Variants in TMEM207 observed in about 807,000 individuals in gnomAD.
The protein encoded by TMEM207 is SRSR846.
In TMEM207, 15 loss-of-function variants were observed where a neutral mutation model predicts 17.4. The observed-to-expected ratio is 0.86, with a 90% CI of 0.58 to 1.33. The LOEUF is 1.33. Among genes scored for constraint, TMEM207 ranks in the 40% most tolerant of loss-of-function variants. TMEM207 has a pLI of 0.00. For missense variants in TMEM207, 205 were observed against 173.8 expected, an observed-to-expected ratio of 1.18 and a Z score of -1.01; for synonymous variants, 70 against 65.6, an observed-to-expected ratio of 1.07 and a Z score of -0.33.
At position 190,441,465 on chromosome 3, in the gene TMEM207, T is replaced by C; in HGVS notation, c.131A>G (p.Asp44Gly). ...GATATACCAGCCATTAGGGTGTTGG[T>C]CATTATAATTTACACACCTGGTGAT... Reference protein sequence around the residue: ...EEDEMCVNYNDQHPNGWYIWI... With the variant: ...EEDEMCVNYNGQHPNGWYIWI... Residue 44 changes from aspartate (D) to glycine (G), a missense_variant, in exon 3 of 5, where the codon GAC becomes GGC. Transcript: ENST00000354905. The C allele has an allele frequency of 6.2e-7, 1 of 1,611,798 alleles. No individual in the cohort carries two copies. The highest frequency in any genetic ancestry group is 8.5e-7 in the Non-Finnish European group (1 of 1,178,796).
intron 2 of TMEM207, among the ~76,000 whole-genome samples, chr3:190,446,811 G>T (rs371475591): frequency 1.3e-5 from 2 of 152,148 alleles, no homozygotes; most frequent in Non-Finnish European, 2.9e-5. Context: ...GTTAGTCTGG[G>T]TCAAAGGCAG....
chr3:190,433,152 C>A lies in TMEM207; in HGVS notation c.305-3421G>T, dbSNP rs114026659. ...CTCTCAAATTCTCTCTTTTCTAATG[C>A]CTAGTCAATTGTTTTTCTGCCTCAA... On this transcript the variant is annotated intron_variant, in intron 4 of 4. Coordinates refer to ENST00000354905, the MANE Select transcript of TMEM207 (RefSeq NM_207316.3). 2.6e-3 allele frequency among the ~76,000 whole-genome samples: 397 copies of A among 152,248 alleles called. 1 individual carries two copies. The highest frequency in any genetic ancestry group is 4.2e-3 in the Admixed American group (64 of 15,298).
chr3:190,449,860 C>T lies in TMEM207; in HGVS notation c.-51G>A. 1 of 1,534,990 alleles carries T rather than the reference C, an allele frequency of 6.5e-7. No homozygotes were observed. The highest frequency in any genetic ancestry group is 9.0e-7 in the Non-Finnish European group (1 of 1,109,324). On this transcript the variant is annotated 5_prime_UTR_variant, in exon 1 of 5. Transcript: ENST00000354905. The stretch of plus-strand genomic sequence containing the variant: ...AGTGGTTTGGTGCCTGTGTTTATTT[C>T]CTTCTTTCTCAGAACTTACTAGCTT...
At chr3:190,435,628 A>G (rs1167156164) in intron 4 of TMEM207, among the ~76,000 whole-genome samples, 1 of 152,222 alleles carries the variant, frequency 6.6e-6, no homozygotes, top group Non-Finnish European at 1.5e-5. Context: ...TCTCTTCTAC[A>G]GAATCCAAAG....
At chr3:190,446,296 T>A (rs1328949919) in intron 2 of TMEM207, among the ~76,000 whole-genome samples, 1 of 152,140 alleles carries the variant, frequency 6.6e-6, no homozygotes, top group Non-Finnish European at 1.5e-5. Flanking sequence ...AGAAAGAGGA[T>A]TTTTCTTGGA....
intron 2 of TMEM207, among the ~76,000 whole-genome samples, chr3:190,443,437 GT>G (rs1481554649): frequency 6.6e-6 from 1 of 151,892 alleles, no homozygotes; most frequent in Non-Finnish European, 1.5e-5. Flanking sequence ...CTCTGGTGGA[GT>G]TTCTGATAAG....
chr3:190,442,640 G>T (rs146019474), intron 2 of TMEM207, among the ~76,000 whole-genome samples: 1 of 151,604 alleles, frequency 6.6e-6, no homozygotes, highest in Non-Finnish European at 1.5e-5. Flanking sequence ...TCTTTTGAGC[G>T]CCCAGAGTGT....
intron 4 of TMEM207, among the ~76,000 whole-genome samples, chr3:190,431,589 A>G (rs1480372033): frequency 6.6e-6 from 1 of 152,098 alleles, no homozygotes; most frequent in Non-Finnish European, 1.5e-5. Context: ...TAAAATTGGT[A>G]AAATACAGTT....
chr3:190,435,860 C>T (rs1719793855), intron 4 of TMEM207, among the ~76,000 whole-genome samples: 1 of 152,246 alleles, frequency 6.6e-6, no homozygotes, highest in Non-Finnish European at 1.5e-5. Flanking sequence ...GCTGTGCTGG[C>T]AACACCCTCC....
At chr3:190,438,512 A>G (rs1265436834) in intron 4 of TMEM207, among the ~76,000 whole-genome samples, 1 of 152,202 alleles carries the variant, frequency 6.6e-6, no homozygotes, top group Non-Finnish European at 1.5e-5. Flanking sequence ...GGGTATAACC[A>G]TGGCACATAA....
At chr3:190,443,076 T>TA (rs1260620639) in intron 2 of TMEM207, among the ~76,000 whole-genome samples, 4 of 151,784 alleles carry the variant, frequency 2.6e-5, no homozygotes, top group Admixed American at 2.6e-4. Context: ...ATTAAAACCT[T>TA]AAAAATATAC....
At chr3:190,430,641 T>C (rs1031242947) in intron 4 of TMEM207, among the ~76,000 whole-genome samples, 3 of 152,210 alleles carry the variant, frequency 2.0e-5, no homozygotes, top group East Asian at 1.9e-4. Context: ...CAAAAATTCA[T>C]CTTTAAAAAG....
intron 4 of TMEM207, among the ~76,000 whole-genome samples, chr3:190,438,152 C>A (rs992353528): frequency 6.6e-6 from 1 of 151,004 alleles, no homozygotes. Flanking sequence ...TGCAAAATGG[C>A]GAGTTAATGG....
intron 2 of TMEM207, among the ~76,000 whole-genome samples, chr3:190,443,208 A>G (rs1174188040): frequency 2.0e-5 from 3 of 147,504 alleles, no homozygotes; most frequent in Non-Finnish European, 4.5e-5. Flanking sequence ...ATCTAAGCTC[A>G]TGGTCAGGAG....
intron 4 of TMEM207, among the ~76,000 whole-genome samples, chr3:190,432,311 A>G (rs1719708050): frequency 6.6e-6 from 1 of 152,140 alleles, no homozygotes; most frequent in African/African-American, 2.4e-5. Context: ...AGTGGCCAGA[A>G]GGACTGAATT....
chr3:190,440,867 G>A (rs925030149), intron 3 of TMEM207, among the ~76,000 whole-genome samples: 2 of 152,168 alleles, frequency 1.3e-5, no homozygotes, highest in African/African-American at 4.8e-5. Context: ...AGGAGATCGA[G>A]AACATCCTGG....
chr3:190,443,797 A>G (rs1719987186), intron 2 of TMEM207, among the ~76,000 whole-genome samples: 1 of 152,232 alleles, frequency 6.6e-6, no homozygotes, highest in Non-Finnish European at 1.5e-5. Flanking sequence ...TATTTTTGAA[A>G]ATGAAATTAT....
chr3:190,445,889 G>A (rs1720034917), intron 2 of TMEM207, among the ~76,000 whole-genome samples: 1 of 152,204 alleles, frequency 6.6e-6, no homozygotes, highest in East Asian at 1.9e-4. Flanking sequence ...CACAATTCTT[G>A]GAACATAGAA....
chr3:190,439,481 AG>A (rs1719882698), intron 4 of TMEM207, among the ~76,000 whole-genome samples: 1 of 152,208 alleles, frequency 6.6e-6, no homozygotes, highest in South Asian at 2.1e-4. Context: ...TGTGTAATGC[AG>A]TAACTTAGAA....
Sources: gnomAD v4.1 joint callset for allele counts (sites outside exome capture counted in the v4.1 genomes callset) on GRCh38, gnomAD v4.1.1 for gene constraint, MANE v1.5 for transcripts, NCBI Gene and HGNC (gene_info 2026-07-23, HGNC 2026-07-21) for gene names.